YAP1: variants seen among roughly 807,000 people sequenced by gnomAD.
The protein encoded by YAP1 is Yes1 associated transcriptional regulator, also known as transcriptional coactivator YAP1.
A neutral mutation model predicts 56.9 loss-of-function variants in YAP1; 5 were observed. The ratio of observed to expected loss-of-function variants is 0.09; its 90% confidence interval spans 0.05 to 0.18. YAP1 has a LOEUF of 0.18. Among genes scored for constraint, YAP1 ranks in the 10% least tolerant of loss-of-function variants. The pLI is 1.00. For synonymous variants in YAP1, 265 were observed against 248.1 expected (o/e 1.07, Z -0.64); for missense variants, 539 against 651.8 (o/e 0.83, Z 1.88).
chr11:102,141,087 A>T (rs1944995120), intron 2 of YAP1, among the ~76,000 whole-genome samples: 1 of 152,170 alleles, frequency 6.6e-6, no homozygotes, highest in Admixed American at 6.5e-5. Flanking sequence ...AATGAAATAT[A>T]CATTCCCTTA....
At chr11:102,111,488 A>T (rs1326923527) in intron 1 of YAP1, among the ~76,000 whole-genome samples, 1 of 28,772 alleles carries the variant, frequency 3.5e-5, no homozygotes, top group East Asian at 8.2e-4. Context: ...GCGGGAGTGG[A>T]GGAGGGGTGG....
intron 2 of YAP1, among the ~76,000 whole-genome samples, chr11:102,127,574 G>T (rs1490633587): frequency 6.6e-6 from 1 of 152,230 alleles, no homozygotes; most frequent in Non-Finnish European, 1.5e-5. Flanking sequence ...TGCTGCAGGG[G>T]CGGGGCCCTG....
In YAP1 at chr11:102,110,506, G is replaced by T; in HGVS notation, c.-343G>T. On this transcript the variant is annotated 5_prime_UTR_variant, in exon 1 of 9. The change creates a new upstream start codon in the 5' untranslated region. Transcript: ENST00000282441. ...AGGGAGGAAGGAAGGAACAAGAAAA[G>T]GAAATAAAGAGAAAGGGGAGGCGGG... 1 of 166,746 alleles carries T rather than the reference G, an allele frequency of 6.0e-6. No individual in the cohort carries two copies. The highest frequency in any genetic ancestry group is 1.3e-5 in the Non-Finnish European group (1 of 77,634). 10.3% of individuals were successfully genotyped at this position (166,746 alleles called of 1,614,324 possible). A position where few individuals can be genotyped will look rare whatever the true frequency, so the allele number is the denominator to read the frequency against.
At chr11:102,112,809 G>A in intron 1 of YAP1, 1 of 976,750 alleles carries the variant, frequency 1.0e-6, no homozygotes, top group Non-Finnish European at 1.2e-6. Context: ...AATGTATGTT[G>A]GCATGCACCC....
intron 3 of YAP1, among the ~76,000 whole-genome samples, chr11:102,163,526 C>T (rs1226259004): frequency 1.3e-5 from 2 of 152,186 alleles, no homozygotes; most frequent in African/African-American, 2.4e-5. Context: ...GACCACTCCC[C>T]TGGCCCCCAC....
At position 102,231,807 on chromosome 11, in the gene YAP1, A is replaced by G. The variant is rs1182616082; in HGVS notation, c.*1867A>G. ...CTTCTCCTGGCAAAAGCTGCTATGAAAAGCCTCAGCTTGGGAAGATAGATT... is the reference window on the plus strand; with the variant it reads ...CTTCTCCTGGCAAAAGCTGCTATGAGAAGCCTCAGCTTGGGAAGATAGATT... On this transcript the variant is annotated 3_prime_UTR_variant, in exon 9 of 9. Transcript: ENST00000282441. 6.6e-6 allele frequency: 1 copy of G among 152,608 alleles called. No homozygotes were observed. The highest frequency in any genetic ancestry group is 2.4e-5 in the African/African-American group (1 of 41,440). 9.5% of individuals were successfully genotyped at this position (152,608 alleles called of 1,614,324 possible). A position where few individuals can be genotyped will look rare whatever the true frequency, so the allele number is the denominator to read the frequency against.
intron 3 of YAP1, among the ~76,000 whole-genome samples, chr11:102,183,073 A>G (rs1459583327): frequency 6.6e-6 from 1 of 152,240 alleles, no homozygotes; most frequent in Non-Finnish European, 1.5e-5. Flanking sequence ...GAGAACAGAT[A>G]TGTAATCAAG....
chr11:102,180,868 C>T (rs781569929), intron 3 of YAP1, among the ~76,000 whole-genome samples: 10 of 152,040 alleles, frequency 6.6e-5, no homozygotes, highest in Non-Finnish European at 8.8e-5. Flanking sequence ...AATTCTCGGT[C>T]GGGCATGGTA....
intron 2 of YAP1, among the ~76,000 whole-genome samples, chr11:102,130,600 G>C (rs1944317915): frequency 6.6e-6 from 1 of 151,418 alleles, no homozygotes; most frequent in Non-Finnish European, 1.5e-5. Flanking sequence ...ATGGAGTCTT[G>C]CCGTGTTGCC....
At chr11:102,168,773 A>C (rs960286013) in intron 3 of YAP1, among the ~76,000 whole-genome samples, 1 of 152,230 alleles carries the variant, frequency 6.6e-6, no homozygotes, top group African/African-American at 2.4e-5. Context: ...CCTGTGTAAT[A>C]TCTCTCAGCA....
intron 2 of YAP1, among the ~76,000 whole-genome samples, chr11:102,131,839 TA>T (rs1944384182): frequency 6.6e-6 from 1 of 152,212 alleles, no homozygotes; most frequent in Non-Finnish European, 1.5e-5. Flanking sequence ...TTTGTGGTAT[TA>T]TAAATTTTGT....
chr11:102,118,207 A>G (rs924905862), intron 2 of YAP1, among the ~76,000 whole-genome samples: 1 of 152,246 alleles, frequency 6.6e-6, no homozygotes, highest in Non-Finnish European at 1.5e-5. Flanking sequence ...TTTTTAAAGC[A>G]CAGTTTTGTT....
At chr11:102,203,659 A>G (rs990517794) in intron 4 of YAP1, among the ~76,000 whole-genome samples, 3 of 152,236 alleles carry the variant, frequency 2.0e-5, no homozygotes, top group Non-Finnish European at 2.9e-5. Context: ...CTACTTTTCT[A>G]TGTTTATGGA....
chr11:102,126,199 C>T (rs1294204766), intron 2 of YAP1, among the ~76,000 whole-genome samples: 2 of 152,126 alleles, frequency 1.3e-5, no homozygotes, highest in Non-Finnish European at 2.9e-5. Flanking sequence ...TTTATAATTA[C>T]AGGTTGACTA....
chr11:102,145,255 A>C (rs1436568764), intron 2 of YAP1, among the ~76,000 whole-genome samples: 1 of 152,188 alleles, frequency 6.6e-6, no homozygotes, highest in African/African-American at 2.4e-5. Flanking sequence ...AGTTCAGCTC[A>C]GTGTTTTTGG....
intron 3 of YAP1, among the ~76,000 whole-genome samples, chr11:102,166,095 A>G (rs1033933244): frequency 5.9e-5 from 9 of 152,232 alleles, no homozygotes; most frequent in African/African-American, 2.2e-4. Flanking sequence ...GCTTTTTAAA[A>G]CATCCGCAAC....
chr11:102,191,976 G>A (rs1284809667), intron 4 of YAP1, among the ~76,000 whole-genome samples: 2 of 152,138 alleles, frequency 1.3e-5, no homozygotes, highest in Non-Finnish European at 2.9e-5. Context: ...GCCTGGCCAA[G>A]TTTCTAATTA....
chr11:102,127,067 G>A (rs1180095685), intron 2 of YAP1, among the ~76,000 whole-genome samples: 1 of 152,186 alleles, frequency 6.6e-6, no homozygotes, highest in Non-Finnish European at 1.5e-5. Flanking sequence ...GCTGTTAAAA[G>A]CATTTAGTTT....
intron 2 of YAP1, among the ~76,000 whole-genome samples, chr11:102,127,608 T>A (rs1156996225): frequency 6.6e-6 from 1 of 152,208 alleles, no homozygotes; most frequent in Non-Finnish European, 1.5e-5. Context: ...GCTAGGGCAG[T>A]GCAGAAGGGA....
Sources: allele counts gnomAD v4.1 joint callset (sites outside exome capture counted in the v4.1 genomes callset), GRCh38; gene constraint gnomAD v4.1.1; transcripts MANE v1.5; gene names NCBI Gene and HGNC (gene_info 2026-07-23, HGNC 2026-07-21).